FOXP2: variants seen among roughly 807,000 people sequenced by gnomAD.
FOXP2 encodes forkhead box P2.
In FOXP2, 12 loss-of-function variants were observed where a neutral mutation model predicts 115.8. The observed-to-expected ratio is 0.10, with a 90% CI of 0.07 to 0.17. FOXP2 has a LOEUF of 0.17. FOXP2 is among the 10% of genes least tolerant of loss of function. The pLI, the probability that FOXP2 is intolerant of heterozygous loss-of-function variation, is 1.00. For missense variants in FOXP2, 629 were observed against 843.5 expected (o/e 0.75, Z 3.15); for synonymous variants, 328 against 297.7 (o/e 1.10, Z -1.05).
intron 3 of FOXP2, among the ~76,000 whole-genome samples, chr7:114,625,804 G>A (rs987315623): frequency 6.6e-6 from 1 of 151,632 alleles, no homozygotes; most frequent in Admixed American, 6.6e-5. Context: ...TCCTTAGTTT[G>A]GGTGAGCTTA....
intron 2 of FOXP2, among the ~76,000 whole-genome samples, chr7:114,457,311 C>G (rs1795352721): frequency 6.6e-6 from 1 of 152,020 alleles, no homozygotes; most frequent in Non-Finnish European, 1.5e-5. Flanking sequence ...TGAATTAACA[C>G]CATTAAAAAT....
At chr7:114,289,041 G>A (rs1277059459) in intron 2 of FOXP2, among the ~76,000 whole-genome samples, 2 of 151,754 alleles carry the variant, frequency 1.3e-5, no homozygotes, top group Admixed American at 6.6e-5. Flanking sequence ...ACTCTCTCAA[G>A]ATACACTTCG....
At chr7:114,226,984 G>A (rs1049175227) in intron 1 of FOXP2, among the ~76,000 whole-genome samples, 1 of 152,078 alleles carries the variant, frequency 6.6e-6, no homozygotes, top group Admixed American at 6.6e-5. Context: ...ACTCTAGTAT[G>A]TTGAACCACT....
intron 6 of FOXP2, among the ~76,000 whole-genome samples, chr7:114,636,277 ATTC>A (rs1305947775): frequency 1.3e-5 from 2 of 152,140 alleles, no homozygotes; most frequent in African/African-American, 4.8e-5. Context: ...CTTTTCTGTG[ATTC>A]AATTATTCTG....
At chr7:114,611,836 G>A (rs1414763127) in intron 3 of FOXP2, among the ~76,000 whole-genome samples, 2 of 152,084 alleles carry the variant, frequency 1.3e-5, no homozygotes, top group African/African-American at 2.4e-5. Flanking sequence ...TGGTCTTAAT[G>A]TGAACAAATA....
At chr7:114,425,545 A>G (rs191699399) in intron 1 of FOXP2, among the ~76,000 whole-genome samples, 1,595 of 151,768 alleles carry the variant, frequency 0.011, 21 homozygotes, top group Admixed American at 0.019. Flanking sequence ...TGCTATCCTG[A>G]AAGTACAGTA....
intron 2 of FOXP2, among the ~76,000 whole-genome samples, chr7:114,530,654 GTATT>G (rs1799100742): frequency 6.6e-6 from 1 of 151,768 alleles, no homozygotes; most frequent in Non-Finnish European, 1.5e-5. Flanking sequence ...GTGGAAAAAA[GTATT>G]TATCTGGCAG....
chr7:114,631,098 G>A (rs1417336225), intron 5 of FOXP2: 1 of 201,608 alleles, frequency 5.0e-6, no homozygotes, highest in Non-Finnish European at 1.0e-5. Flanking sequence ...CTACATCCCA[G>A]TTTACTAATA....
At chr7:114,243,070 C>T (rs913966191) in intron 1 of FOXP2, among the ~76,000 whole-genome samples, 1 of 152,108 alleles carries the variant, frequency 6.6e-6, no homozygotes, top group Admixed American at 6.6e-5. Context: ...TTATATGTAT[C>T]CATACTACAT....
At chr7:114,089,844 T>C (rs1367928844) in intron 1 of FOXP2, among the ~76,000 whole-genome samples, 1 of 151,978 alleles carries the variant, frequency 6.6e-6, no homozygotes, top group African/African-American at 2.4e-5. Flanking sequence ...TTTGCATAGA[T>C]ATTAGAATTA....
chr7:114,644,820 C>A (rs763921047), intron 8 of FOXP2, 31 bp downstream of exon 8: 5 of 1,483,930 alleles, frequency 3.4e-6, no homozygotes, highest in Non-Finnish European at 4.7e-6. Context: ...TGGTGGGGGG[C>A]GGGGGCTGGA....
chr7:114,467,640 A>T (rs1795864965), intron 2 of FOXP2, among the ~76,000 whole-genome samples: 1 of 152,190 alleles, frequency 6.6e-6, no homozygotes, highest in African/African-American at 2.4e-5. Context: ...ACAAACTGGC[A>T]GTCACATCGC....
At chr7:114,634,875 C>G (rs1805129922) in intron 6 of FOXP2, among the ~76,000 whole-genome samples, 1 of 151,976 alleles carries the variant, frequency 6.6e-6, no homozygotes, top group Non-Finnish European at 1.5e-5. Flanking sequence ...GTACTCTAAT[C>G]CACAATATAT....
At chr7:114,495,250 TCA>T (rs768920528) in intron 2 of FOXP2, among the ~76,000 whole-genome samples, 3 of 152,182 alleles carry the variant, frequency 2.0e-5, no homozygotes, top group Non-Finnish European at 4.4e-5. Flanking sequence ...AGTCCTTAAA[TCA>T]CAGTCTGTTC....
intron 1 of FOXP2, among the ~76,000 whole-genome samples, chr7:114,271,868 T>C (rs1796061484): frequency 8.0e-6 from 1 of 125,488 alleles, no homozygotes; most frequent in Non-Finnish European, 1.6e-5. Flanking sequence ...TAAAACATTA[T>C]AATATGATTA....
At chr7:114,494,939 A>G (rs1292511986) in intron 2 of FOXP2, among the ~76,000 whole-genome samples, 1 of 152,184 alleles carries the variant, frequency 6.6e-6, no homozygotes, top group Non-Finnish European at 1.5e-5. Flanking sequence ...TTTTTGAAAC[A>G]TTCACCTTTT....
At chr7:114,255,617 G>A (rs1309483463) in intron 1 of FOXP2, among the ~76,000 whole-genome samples, 1 of 152,216 alleles carries the variant, frequency 6.6e-6, no homozygotes, top group Non-Finnish European at 1.5e-5. Context: ...ATCTCCTGGT[G>A]TGGCGTTTGT....
chr7:114,407,766 G>C (rs899141806), intron 2 of FOXP2, among the ~76,000 whole-genome samples: 1 of 152,008 alleles, frequency 6.6e-6, no homozygotes, highest in Non-Finnish European at 1.5e-5. Context: ...ATAGCGTTTT[G>C]CAAAAAGTAT....
At chr7:114,636,593 G>A (rs899832783) in intron 6 of FOXP2, among the ~76,000 whole-genome samples, 1 of 148,598 alleles carries the variant, frequency 6.7e-6, no homozygotes, top group Admixed American at 6.7e-5. Flanking sequence ...TCAATTACTG[G>A]ACACAGAAAA....
Sources: gnomAD v4.1 joint callset for allele counts (sites outside exome capture counted in the v4.1 genomes callset) on GRCh38, gnomAD v4.1.1 for gene constraint, MANE v1.5 for transcripts, NCBI Gene and HGNC (gene_info 2026-07-23, HGNC 2026-07-21) for gene names.